EXOC2: variants seen among roughly 807,000 people sequenced by gnomAD.
EXOC2 encodes SEC5-like 1.
Under a neutral mutation model 131.8 loss-of-function variants are expected in EXOC2, and 70 were observed. That is an observed-to-expected ratio of 0.53 (90% confidence interval 0.44 to 0.65). The LOEUF (loss-of-function observed/expected upper bound fraction) is 0.65, where lower values mean the gene tolerates loss of function less well. EXOC2 is among the 30% of genes least tolerant of loss of function. EXOC2 has a pLI of 0.00. For synonymous variants in EXOC2, 411 were observed against 398.4 expected (o/e 1.03, Z -0.38); for missense variants, 923 against 1,108.6 (o/e 0.83, Z 2.38).
intron 27 of EXOC2, among the ~76,000 whole-genome samples, chr6:488,738 C>T (rs879339136): frequency 1.3e-5 from 2 of 152,152 alleles, no homozygotes; most frequent in Non-Finnish European, 2.9e-5. Flanking sequence ...GAGCCAACTT[C>T]TAAATTCTCC....
intron 23 of EXOC2, among the ~76,000 whole-genome samples, chr6:513,041 C>A (rs749121504): frequency 1.3e-5 from 2 of 152,218 alleles, no homozygotes; most frequent in Admixed American, 1.3e-4. Context: ...AATAGGCCGA[C>A]TCTGCGACTC....
intron 4 of EXOC2, among the ~76,000 whole-genome samples, 197 bp from the exon 5 acceptor site, chr6:619,740 T>TAA (rs1761191728): frequency 6.6e-6 from 1 of 152,254 alleles, no homozygotes; most frequent in Non-Finnish European, 1.5e-5. Flanking sequence ...TTCTATCACT[T>TAA]AAACTTTGAT....
In EXOC2 at chr6:564,111, G is replaced by C; in HGVS notation, c.1711C>G (p.Leu571Val). ...SLTALEIPND[L>V]LQTIQDLILD... ...ATGAGATCCTGGATAGTCTGTAACA[G>C]GTCATTAGGAATTTCAAGGGCAGTC... The change falls in exon 16 of 28, where the codon CTG becomes GTG. Residue 571 changes from leucine (L) to valine (V), a missense_variant. Transcript: ENST00000230449. 6.2e-7 allele frequency: 1 copy of C among 1,614,110 alleles called. No individual in the cohort carries two copies.
chr6:580,709 C>T (rs1758843366), intron 11 of EXOC2, among the ~76,000 whole-genome samples: 1 of 152,098 alleles, frequency 6.6e-6, no homozygotes, highest in African/African-American at 2.4e-5. Flanking sequence ...CTAACCTATC[C>T]TGTAAAATAT....
At chr6:512,637 T>A (rs1200125090) in intron 23 of EXOC2, among the ~76,000 whole-genome samples, 1 of 152,186 alleles carries the variant, frequency 6.6e-6, no homozygotes, top group African/African-American at 2.4e-5. Context: ...TCTGCTGTAT[T>A]TACAAACATG....
intron 27 of EXOC2, among the ~76,000 whole-genome samples, 190 bp from the exon 28 acceptor site, chr6:486,954 A>G (rs1224040451): frequency 6.6e-6 from 1 of 152,208 alleles, no homozygotes. Flanking sequence ...AATAGGATAT[A>G]CTGATAACGT....
intron 25 of EXOC2, among the ~76,000 whole-genome samples, chr6:491,676 T>C (rs1280207577): frequency 6.6e-6 from 1 of 152,228 alleles, no homozygotes; most frequent in Non-Finnish European, 1.5e-5. Flanking sequence ...GCAATCTCTA[T>C]TAAAATCACA....
intron 10 of EXOC2, among the ~76,000 whole-genome samples, chr6:597,419 C>T (rs1308853411): frequency 6.6e-6 from 1 of 152,082 alleles, no homozygotes; most frequent in African/African-American, 2.4e-5. Flanking sequence ...TAGTGATCCG[C>T]CCGCCTCAGC....
intron 23 of EXOC2, among the ~76,000 whole-genome samples, chr6:509,629 G>A (rs1764739163): frequency 6.6e-6 from 1 of 152,190 alleles, no homozygotes; most frequent in African/African-American, 2.4e-5. Flanking sequence ...TACTCTGACT[G>A]TATAAAAAGT....
At position 581,543 on chromosome 6, in the gene EXOC2, A is replaced by G. The variant is rs1435525914; in HGVS notation, c.1193-4661T>C. ...CTATAGTGTGGGAAATCATCACCGT[A>G]GTATTTCTAATTGCAAAATTCTATG... is the stretch of plus-strand genomic sequence containing the variant. On this transcript the variant is annotated intron_variant, in intron 11 of 27. Transcript: ENST00000230449. Among the ~76,000 whole-genome samples the G allele has an allele frequency of 3.3e-5, 5 of 152,336 alleles. No individual in the cohort carries two copies. In the East Asian group the frequency reaches 7.7e-4, roughly 23 times the overall value.
chr6:640,268 C>T (rs941072546), intron 1 of EXOC2, among the ~76,000 whole-genome samples: 2 of 152,114 alleles, frequency 1.3e-5, no homozygotes, highest in Admixed American at 6.5e-5. Context: ...TTGGGAGAGA[C>T]AGAAGGGGTG....
intron 12 of EXOC2, 95 bp from the exon 13 acceptor site, chr6:572,739 C>T: frequency 6.9e-7 from 1 of 1,440,954 alleles, no homozygotes; most frequent in South Asian, 1.3e-5. Context: ...TCCCGCAAAA[C>T]TCCAACATGC....
At chr6:518,285 A>G (rs1765269847) in intron 23 of EXOC2, among the ~76,000 whole-genome samples, 1 of 152,218 alleles carries the variant, frequency 6.6e-6, no homozygotes, top group South Asian at 2.1e-4. Flanking sequence ...CACAGATCAG[A>G]CAAGACTGGC....
chr6:607,141 C>T (rs1337005187), intron 7 of EXOC2, among the ~76,000 whole-genome samples: 1 of 152,174 alleles, frequency 6.6e-6, no homozygotes, highest in Non-Finnish European at 1.5e-5. Context: ...GGTGACTGCC[C>T]TGTGGGAACC....
At chr6:624,296 G>T (rs1173397635) in intron 4 of EXOC2, among the ~76,000 whole-genome samples, 1 of 152,152 alleles carries the variant, frequency 6.6e-6, no homozygotes, top group Non-Finnish European at 1.5e-5. Context: ...ACAGGCTCTG[G>T]GTTCAATCTC....
Position 683,035 on chromosome 6 carries a change from G to A in EXOC2, c.-44+9984C>T, listed in dbSNP as rs375842353. Among the ~76,000 whole-genome samples the A allele has an allele frequency of 2.4e-4, 37 of 152,284 alleles. 1 individual carries two copies. The East Asian group carries it at 6.6e-3, about 27-fold the overall frequency. ...CGAGGAGTGAAAAGGTACCAGGAGG[G>A]TAGGAGAAAGCTTTACCCTCGCAGT... On this transcript the variant is annotated intron_variant, in intron 1 of 27. Transcript: ENST00000230449.
chr6:691,313 T>A (rs995772629), intron 1 of EXOC2, among the ~76,000 whole-genome samples: 25 of 152,178 alleles, frequency 1.6e-4, no homozygotes, highest in Non-Finnish European at 3.4e-4. Context: ...CAGATCCACT[T>A]ATACACGGAT....
intron 23 of EXOC2, among the ~76,000 whole-genome samples, chr6:514,373 C>T (rs1765019339): frequency 6.6e-6 from 1 of 152,174 alleles, no homozygotes; most frequent in Non-Finnish European, 1.5e-5. Context: ...CCAATATTTA[C>T]CAAGTACCTT....
At chr6:656,493 C>T (rs779869323) in intron 1 of EXOC2, 3 of 1,608,004 alleles carry the variant, frequency 1.9e-6, no homozygotes, top group Admixed American at 1.7e-5. Context: ...GTCGGAGGCG[C>T]GCAGGCTGGG....
Sources: gnomAD v4.1 joint callset for allele counts (sites outside exome capture counted in the v4.1 genomes callset) on GRCh38, gnomAD v4.1.1 for gene constraint, MANE v1.5 for transcripts, NCBI Gene and HGNC (gene_info 2026-07-23, HGNC 2026-07-21) for gene names.